ABCC9: variants seen among roughly 807,000 people sequenced by gnomAD.
ABCC9 encodes the protein ATP binding cassette subfamily C member 9, also known as ATP-binding cassette sub-family C member 9.
ABCC9 carries 95 observed loss-of-function variants against 188.3 expected under a neutral mutation model. The ratio of observed to expected loss-of-function variants is 0.50; its 90% CI spans 0.43 to 0.60. ABCC9 has a LOEUF of 0.60. Among genes scored for constraint, ABCC9 ranks in the 20% least tolerant of loss-of-function variants. The pLI is 0.00. For synonymous variants in ABCC9, 659 were observed against 652.7 expected, an observed-to-expected ratio of 1.01 and a Z score of -0.15; for missense variants, 1,102 against 1,876.3, an observed-to-expected ratio of 0.59 and a Z score of 7.62.
rs544754569 is a variant in ABCC9 at position 21,857,305 on chromosome 12, G to T, written c.2505+2281C>A. ...TGGAAGAATTGAAAATACTATGCTTGCTTGGCCTAGAGAAATGTAAATTTA... is the reference window on the plus strand; with the variant it reads ...TGGAAGAATTGAAAATACTATGCTTTCTTGGCCTAGAGAAATGTAAATTTA... On this transcript the variant is annotated intron_variant, in intron 22 of 39. Transcript: ENST00000261200. Among the ~76,000 whole-genome samples the T allele has an allele frequency of 2.7e-3, 408 of 152,244 alleles. 1 individual carries two copies. Among genetic ancestry groups the T allele is most frequent in the Non-Finnish European group, 3.4e-3 (229 of 68,002 alleles).
At chr12:21,936,485 A>T in intron 3 of ABCC9, 48 bp downstream of exon 3, 1 of 1,513,122 alleles carries the variant, frequency 6.6e-7, no homozygotes, top group East Asian at 2.3e-5. Flanking sequence ...GCCATTAGCG[A>T]GATATATAAA....
intron 32 of ABCC9, 34 bp from the exon 33 acceptor site, chr12:21,817,341 A>G (rs1466395933): frequency 6.2e-6 from 10 of 1,607,324 alleles, no homozygotes; most frequent in Non-Finnish European, 7.7e-6. Context: ...TGTTTTAAAT[A>G]AATTAAAGTA....
At chr12:21,834,786 T>TAC (rs61211269) in intron 30 of ABCC9, among the ~76,000 whole-genome samples, 5,182 of 141,366 alleles carry the variant, frequency 0.037, 107 homozygotes, top group East Asian at 0.063. Flanking sequence ...TATAACATTA[T>TAC]ACACACACAC....
chr12:21,839,647 A>G (rs534337783), intron 29 of ABCC9, among the ~76,000 whole-genome samples: 1 of 152,274 alleles, frequency 6.6e-6, no homozygotes, highest in African/African-American at 2.4e-5. Flanking sequence ...TACTTTTCAG[A>G]CCTTTTTTCC....
chr12:21,894,450 G>T lies in ABCC9; in HGVS notation c.1660-276C>A, dbSNP rs113837656. Among the ~76,000 whole-genome samples the T allele has an allele frequency of 9.0e-3, 1,373 of 152,204 alleles. 15 individuals are homozygous for T. Among genetic ancestry groups the T allele is most frequent in the African/African-American group, 0.029 (1,201 of 41,512 alleles). On this transcript the variant is annotated intron_variant, in intron 13 of 39. Coordinates refer to ENST00000261200, the MANE Select transcript of ABCC9 (RefSeq NM_020297.4). ...GACCCTGTCAGATTGCTAAGTAGGG[G>T]GAATAAAGGGATGGAGAACCCAGAG... is the stretch of plus-strand genomic sequence containing the variant.
In ABCC9 at chr12:21,915,756, A is replaced by G. The variant is rs754113599; in HGVS notation, c.728T>C (p.Ile243Thr). The change falls in exon 7 of 40, where the codon ATT (isoleucine) becomes ACT (threonine). Residue 243 changes from isoleucine (I) to threonine (T), a missense_variant. This residue lies in a region of ABCC9 where 305 missense variants were observed against 573.0 expected (regional missense o/e 0.53). Transcript: ENST00000261200. ...TLIISAHKKP[I>T]DLKAIGKLPI... ...CAATTTTCCAATTGCCTTCAGATCAATAGGCTTTTTGTGAGCAGATATAAT... is the reference window on the plus strand; with the variant it reads ...CAATTTTCCAATTGCCTTCAGATCAGTAGGCTTTTTGTGAGCAGATATAAT... 13 of 1,613,142 alleles carry G rather than the reference A, an allele frequency of 8.1e-6. No homozygotes were observed. Among genetic ancestry groups the G allele is most frequent in the South Asian group, 3.3e-5 (3 of 91,030 alleles).
intron 9 of ABCC9, among the ~76,000 whole-genome samples, 185 bp downstream of exon 9, chr12:21,910,641 T>C (rs575105185): frequency 6.6e-6 from 1 of 152,116 alleles, no homozygotes; most frequent in East Asian, 1.9e-4. Flanking sequence ...TTGAAAGTTA[T>C]TTTTAATTCA....
At chr12:21,852,545 T>C (rs377205597) in intron 22 of ABCC9, 40 bp from the exon 23 acceptor site, 4 of 1,601,770 alleles carry the variant, frequency 2.5e-6, no homozygotes, top group Non-Finnish European at 2.5e-6. Flanking sequence ...ACGTTTTCTA[T>C]ACTTGTTACA....
In ABCC9 at chr12:21,812,166, G is replaced by A. The variant is rs758097497; in HGVS notation, c.4103-9C>T. 1 of 1,547,660 alleles carries A rather than the reference G, an allele frequency of 6.5e-7. No individual in the cohort carries two copies. The highest frequency in any genetic ancestry group is 1.7e-5 in the Admixed American group (1 of 59,836). ...ATCAATGACAATTTTTCCTGTTAAGGAGAAACAGAAGTTACACACACATAG... is the reference window on the plus strand; with the variant it reads ...ATCAATGACAATTTTTCCTGTTAAGAAGAAACAGAAGTTACACACACATAG... On this transcript the variant is annotated splice_polypyrimidine_tract_variant and intron_variant, in intron 35 of 39. Transcript: ENST00000261200.
intron 31 of ABCC9, among the ~76,000 whole-genome samples, chr12:21,826,387 A>G (rs1046726423): frequency 6.6e-6 from 1 of 152,214 alleles, no homozygotes; most frequent in Admixed American, 6.5e-5. Context: ...CGCAAGATCC[A>G]GTTATTCCAA....
intron 17 of ABCC9, 50 bp from the exon 18 acceptor site, chr12:21,872,780 G>T: frequency 7.5e-7 from 1 of 1,340,464 alleles, no homozygotes; most frequent in Non-Finnish European, 1.1e-6. Context: ...GATTCTTGGT[G>T]AAATAACATC....
chr12:21,928,434 A>C (rs1489296970), intron 4 of ABCC9, among the ~76,000 whole-genome samples: 4 of 141,776 alleles, frequency 2.8e-5, no homozygotes, highest in African/African-American at 1.2e-4. Context: ...AAAGAAAAAA[A>C]GAAAAGAAAA....
At chr12:21,833,570 T>G (rs1208558256) in intron 30 of ABCC9, among the ~76,000 whole-genome samples, 1 of 152,116 alleles carries the variant, frequency 6.6e-6, no homozygotes, top group African/African-American at 2.4e-5. Context: ...TCTTCCTCAT[T>G]CCCTTCACGA....
At chr12:21,803,865 CT>C (rs1198373675) in intron 39 of ABCC9, among the ~76,000 whole-genome samples, 1 of 152,140 alleles carries the variant, frequency 6.6e-6, no homozygotes, top group Non-Finnish European at 1.5e-5. Flanking sequence ...TGTGTGAGTG[CT>C]TCCTTTCAGA....
intron 16 of ABCC9, among the ~76,000 whole-genome samples, chr12:21,882,212 A>G (rs961633595): frequency 6.6e-6 from 1 of 152,026 alleles, no homozygotes; most frequent in Non-Finnish European, 1.5e-5. Flanking sequence ...TGCTGCCGGC[A>G]GCTCTTCCAA....
intron 30 of ABCC9, among the ~76,000 whole-genome samples, chr12:21,833,512 G>GA (rs1565716641): frequency 1.3e-5 from 2 of 152,054 alleles, no homozygotes; most frequent in African/African-American, 2.4e-5. Context: ...GAAGGTAAAT[G>GA]AAAAATCTGA....
Position 21,859,566 on chromosome 12 carries a change from A to G in ABCC9, c.2505+20T>C, listed in dbSNP as rs1945399406. The G allele has an allele frequency of 6.2e-7, 1 of 1,609,884 alleles. No individual in the cohort carries two copies. The highest frequency in any genetic ancestry group is 8.5e-7 in the Non-Finnish European group (1 of 1,176,192). Reference sequence around the variant, plus strand: ...GATGGAAGAATGAAATAGAAATAAAAGGGAAGGCCATATTCTTACCAAAAA... The same window carrying G: ...GATGGAAGAATGAAATAGAAATAAAGGGGAAGGCCATATTCTTACCAAAAA... On this transcript the variant is annotated intron_variant, in intron 22 of 39. Transcript: ENST00000261200.
chr12:21,827,029 T>G (rs1943420795), intron 31 of ABCC9: 15 of 700,890 alleles, frequency 2.1e-5, no homozygotes. Flanking sequence ...CTGTTTCAGG[T>G]GTCAGTATTT....
chr12:21,809,425 G>A (rs1241621789), intron 37 of ABCC9, among the ~76,000 whole-genome samples: 1 of 152,106 alleles, frequency 6.6e-6, no homozygotes, highest in African/African-American at 2.4e-5. Context: ...AGAGAAAATG[G>A]CTACTAATGG....
Sources: allele counts gnomAD v4.1 joint callset (sites outside exome capture counted in the v4.1 genomes callset), GRCh38; gene constraint gnomAD v4.1.1; regional missense constraint gnomAD v4.1.1; transcripts MANE v1.5; gene names NCBI Gene and HGNC (gene_info 2026-07-23, HGNC 2026-07-21).